The following LARGE1 variants were observed in gnomAD, a reference collection of about 807,000 sequenced individuals.
LARGE1 encodes the protein xylosyl- and glucuronyltransferase LARGE1.
LARGE1 carries 43 observed loss-of-function variants against 87.6 expected under a neutral mutation model. The observed-to-expected ratio is 0.49, with a 90% CI of 0.38 to 0.63. The LOEUF is 0.63. Ranked by LOEUF, LARGE1 falls within the 30% of genes least tolerant of loss-of-function variation. LARGE1 has a pLI of 0.00. For missense variants in LARGE1, 802 were observed against 1,000.2 expected (o/e 0.80, Z 2.67); for synonymous variants, 434 against 394.6 (o/e 1.10, Z -1.18).
chr22:33,541,865 A>G (rs1249543973), intron 6 of LARGE1, among the ~76,000 whole-genome samples: 1 of 152,104 alleles, frequency 6.6e-6, no homozygotes, highest in Non-Finnish European at 1.5e-5. Flanking sequence ...TATGAGAAAC[A>G]TTAAGAGCTA....
chr22:33,526,097 G>A (rs999214025), intron 6 of LARGE1, among the ~76,000 whole-genome samples: 8 of 152,002 alleles, frequency 5.3e-5, no homozygotes, highest in African/African-American at 1.7e-4. Context: ...AGTATAATGC[G>A]GCCATAAAAA....
intron 7 of LARGE1, among the ~76,000 whole-genome samples, chr22:33,426,912 C>A (rs1216856701): frequency 6.6e-6 from 1 of 152,224 alleles, no homozygotes; most frequent in African/African-American, 2.4e-5. Flanking sequence ...GTGCTTGAGT[C>A]GCCTTTGGGG....
intron 1 of LARGE1, among the ~76,000 whole-genome samples, chr22:33,902,366 A>G (rs62225071): frequency 0.057 from 8,708 of 152,224 alleles, 311 homozygotes; most frequent in African/African-American, 0.089. Flanking sequence ...CATTCCCCAA[A>G]AAGTCATAAA....
intron 11 of LARGE1, among the ~76,000 whole-genome samples, chr22:33,308,944 C>G (rs994226450): frequency 2.0e-5 from 3 of 152,162 alleles, no homozygotes; most frequent in Middle Eastern, 3.2e-3. Flanking sequence ...TATATGACAG[C>G]TGTAATTTCC....
the LARGE1 span, among the ~76,000 whole-genome samples, chr22:33,086,978 T>A: frequency 2.6e-5 from 4 of 152,214 alleles, no homozygotes; most frequent in African/African-American, 9.6e-5. Flanking sequence ...ATTTTTTAAT[T>A]TTTCAGGAGG....
chr22:33,255,024 G>A (rs773710914), intron 11 of LARGE1, among the ~76,000 whole-genome samples: 1 of 142,284 alleles, frequency 7.0e-6, no homozygotes, highest in Non-Finnish European at 1.5e-5. Context: ...TGCAACCTCC[G>A]CCCCCCAGGT....
At chr22:33,615,163 G>A (rs1181264945) in intron 4 of LARGE1, among the ~76,000 whole-genome samples, 1 of 152,000 alleles carries the variant, frequency 6.6e-6, no homozygotes, top group Non-Finnish European at 1.5e-5. Context: ...ATCTTAGCAT[G>A]GATGCTTTAT....
chr22:33,818,273 C>T (rs774691253), intron 1 of LARGE1, among the ~76,000 whole-genome samples: 1 of 152,164 alleles, frequency 6.6e-6, no homozygotes, highest in Non-Finnish European at 1.5e-5. Flanking sequence ...CCGAAATCAT[C>T]GTATTTGCTT....
At chr22:33,635,021 G>T (rs2080229104) in intron 3 of LARGE1, among the ~76,000 whole-genome samples, 1 of 152,052 alleles carries the variant, frequency 6.6e-6, no homozygotes, top group Non-Finnish European at 1.5e-5. Context: ...GGGAAGCTGA[G>T]GCAGGAGAAT....
At chr22:33,682,420 C>T (rs1176775626) in intron 2 of LARGE1, among the ~76,000 whole-genome samples, 1 of 152,150 alleles carries the variant, frequency 6.6e-6, no homozygotes, top group East Asian at 1.9e-4. Flanking sequence ...CACCAGGACA[C>T]CCCAGGCTGT....
At chr22:33,722,023 G>A (rs1392114541) in intron 2 of LARGE1, among the ~76,000 whole-genome samples, 1 of 152,238 alleles carries the variant, frequency 6.6e-6, no homozygotes, top group African/African-American at 2.4e-5. Flanking sequence ...AGGTCAAGGC[G>A]GTTGGATCAC....
At chr22:33,208,764 C>T (rs978852525) in intron 11 of LARGE1, among the ~76,000 whole-genome samples, 9 of 152,102 alleles carry the variant, frequency 5.9e-5, no homozygotes, top group Admixed American at 3.9e-4. Context: ...ATGTTCTCCT[C>T]CCTGTGTCCA....
At chr22:33,434,499 C>T (rs1419931489) in intron 6 of LARGE1, among the ~76,000 whole-genome samples, 2 of 152,164 alleles carry the variant, frequency 1.3e-5, no homozygotes, top group Admixed American at 1.3e-4. Context: ...CGGGGTTTCA[C>T]CGTGTTGGCC....
intron 2 of LARGE1, among the ~76,000 whole-genome samples, chr22:33,695,108 C>CTTTTTTT (rs71320988): frequency 3.6e-5 from 5 of 140,092 alleles, no homozygotes; most frequent in African/African-American, 1.3e-4. Context: ...TTCTTTCTTT[C>CTTTTTTT]TTTTTTTTTT....
At chr22:33,497,921 C>T (rs374356572) in intron 6 of LARGE1, among the ~76,000 whole-genome samples, 3 of 152,246 alleles carry the variant, frequency 2.0e-5, no homozygotes, top group South Asian at 2.1e-4. Flanking sequence ...CTTGCTCTGT[C>T]GCTTAGGCTG....
chr22:33,632,546 G>A (rs1373118736), intron 3 of LARGE1, among the ~76,000 whole-genome samples: 1 of 18,988 alleles, frequency 5.3e-5, no homozygotes. Flanking sequence ...TCCTGTCAGG[G>A]GCCCAATCAC....
chr22:33,104,618 G>A, the LARGE1 span, among the ~76,000 whole-genome samples: 3 of 152,336 alleles, frequency 2.0e-5, no homozygotes, highest in Middle Eastern at 3.4e-3. Flanking sequence ...AGGAAGAGTA[G>A]GGAGGCTGCC....
intron 6 of LARGE1, among the ~76,000 whole-genome samples, chr22:33,512,559 T>C (rs1251387935): frequency 6.6e-6 from 1 of 152,200 alleles, no homozygotes; most frequent in Non-Finnish European, 1.5e-5. Flanking sequence ...TCCCAGCACT[T>C]TGGGAGGCCG....
chr22:33,689,163 C>T (rs1205460658), intron 2 of LARGE1, among the ~76,000 whole-genome samples: 3 of 130,604 alleles, frequency 2.3e-5, no homozygotes, highest in Non-Finnish European at 3.6e-5. Flanking sequence ...CTCTCTCTCT[C>T]TCTCCCCCCT....
Sources: allele counts gnomAD v4.1 joint callset (sites outside exome capture counted in the v4.1 genomes callset), GRCh38; gene constraint gnomAD v4.1.1; transcripts MANE v1.5; gene names NCBI Gene and HGNC (gene_info 2026-07-23, HGNC 2026-07-21).